The following SMU1 variants were observed in gnomAD, a reference collection of about 807,000 sequenced individuals.
SMU1 encodes SMU1 DNA replication regulator and spliceosomal factor, also known as WD40 repeat-containing protein SMU1.
In SMU1, 2 loss-of-function variants were observed where a neutral mutation model predicts 62.0. That is an observed-to-expected ratio of 0.03 (90% CI 0.01 to 0.10). The LOEUF is 0.10. Ranked by LOEUF, SMU1 falls within the 10% of genes least tolerant of loss-of-function variation. The pLI is 1.00. For synonymous variants in SMU1, 188 were observed against 212.4 expected (o/e 0.89, Z 1.00); for missense variants, 227 against 622.1 (o/e 0.36, Z 6.76).
chr9:33,056,843 G>A lies in SMU1; in HGVS notation c.989C>T (p.Thr330Ile), dbSNP rs1839309476. Residue 330 changes from threonine (T) to isoleucine (I), a missense_variant, in exon 8 of 12, where the codon ACA (threonine) becomes ATA (isoleucine). By Grantham distance (89) the Thr-to-Ile change is moderately conservative (BLOSUM62 -1). Around this residue, in one of 5 missense-constraint regions of SMU1, gnomAD observed 98 missense variants for 195.9 expected, o/e 0.50. Transcript: ENST00000397149. Reference sequence around the variant, plus strand: ...TTTTGGGATTTTTACTTACCTAATTGTCTGGTCAAAAGAAGCACTAAGGAT... The same window carrying A: ...TTTTGGGATTTTTACTTACCTAATTATCTGGTCAAAAGAAGCACTAAGGAT... ...SQILSASFDQ[T>I]IRIHGLKSGK... 6.2e-7 allele frequency: 1 copy of A among 1,611,392 alleles called. No individual in the cohort carries two copies. Among genetic ancestry groups the A allele is most frequent in the East Asian group, 2.2e-5 (1 of 44,826 alleles).
Position 33,046,553 on chromosome 9 carries a change from C to A in SMU1, c.*740G>T, listed in dbSNP as rs912214073. ...TTATGTACATTTTAGAACAAAGTCTCCAGAAAGGTATAAAGTTTATTAACA... is the reference window on the plus strand; with the variant it reads ...TTATGTACATTTTAGAACAAAGTCTACAGAAAGGTATAAAGTTTATTAACA... On this transcript the variant is annotated 3_prime_UTR_variant, in exon 12 of 12. Transcript: ENST00000397149. 2.0e-5 allele frequency: 3 copies of A among 148,974 alleles called. No individual in the cohort carries two copies. The highest frequency in any genetic ancestry group is 3.2e-3 in the Middle Eastern group (1 of 312). 9.2% of individuals were successfully genotyped at this position (148,974 alleles called of 1,614,324 possible). A position where few individuals can be genotyped will look rare whatever the true frequency, so the allele number is the denominator to read the frequency against.
rs111859715 is a variant in SMU1, at chr9:33,074,390, T to C, written c.27-584A>G. ...GATGTGGGAGGATCCCTTGAGCCCA[T>C]GAGTTCAAGACCAGCATGGGCAACA... On this transcript the variant is annotated intron_variant, in intron 1 of 11. Transcript: ENST00000397149. 5.4e-3 allele frequency among the ~76,000 whole-genome samples: 816 copies of C among 151,632 alleles called. 8 individuals carry two copies. The highest frequency in any genetic ancestry group is 0.019 in the African/African-American group (765 of 41,284).
intron 4 of SMU1, among the ~76,000 whole-genome samples, chr9:33,063,052 A>G (rs1479954420): frequency 6.6e-6 from 1 of 152,182 alleles, no homozygotes; most frequent in Non-Finnish European, 1.5e-5. Context: ...GCCAACTGAA[A>G]AAGTCGGGAA....
chr9:33,075,036 G>T (rs116407270), intron 1 of SMU1, among the ~76,000 whole-genome samples: 3,366 of 152,210 alleles, frequency 0.022, 96 homozygotes, highest in African/African-American at 0.076. Context: ...GCTTCCCAAA[G>T]TGTTGAGATG....
At chr9:33,063,306 G>A (rs1839383680) in intron 4 of SMU1, among the ~76,000 whole-genome samples, 1 of 151,940 alleles carries the variant, frequency 6.6e-6, no homozygotes. Context: ...AGGTTGCAGT[G>A]AGCCAAGATC....
chr9:33,074,434 A>T (rs1839519769), intron 1 of SMU1, among the ~76,000 whole-genome samples: 1 of 130,904 alleles, frequency 7.6e-6, no homozygotes, highest in Non-Finnish European at 1.8e-5. Context: ...CCCCTTCTCT[A>T]CACACACACA....
chr9:33,054,302 C>T (rs1035618211), intron 9 of SMU1, among the ~76,000 whole-genome samples: 1 of 151,962 alleles, frequency 6.6e-6, no homozygotes, highest in Non-Finnish European at 1.5e-5. Context: ...CAGGCAGGTG[C>T]CAATAAGCCT....
Position 33,076,639 on chromosome 9 carries a change from T to A in SMU1, c.-31A>T, listed in dbSNP as rs1165566623. 2 of 1,613,582 alleles carry A rather than the reference T, an allele frequency of 1.2e-6. No individual in the cohort carries two copies. Among genetic ancestry groups the A allele is most frequent in the South Asian group, 2.2e-5 (2 of 91,060 alleles). On this transcript the variant is annotated 5_prime_UTR_variant, in exon 1 of 12. Coordinates refer to ENST00000397149, the MANE Select transcript of SMU1 (RefSeq NM_018225.3). ...TATCTCTCCGGGAGCAGGCCCCAGCTCTCCCTCAAGGCCAGTCGCGCAACA... is the reference window on the plus strand; with the variant it reads ...TATCTCTCCGGGAGCAGGCCCCAGCACTCCCTCAAGGCCAGTCGCGCAACA...
At position 33,044,559 on chromosome 9, in the gene SMU1, G is replaced by C. The variant is rs757845826; in HGVS notation, c.*2734C>G. 7 of 152,308 alleles carry C rather than the reference G, an allele frequency of 4.6e-5. No individual in the cohort carries two copies. Among genetic ancestry groups the C allele is most frequent in the Non-Finnish European group, 1.0e-4 (7 of 68,092 alleles). 9.4% of individuals were successfully genotyped at this position (152,308 alleles called of 1,614,324 possible). ...TGGGCTGCCCCAGCCTTCAATGCTG[G>C]AGGGACGGCCGCGTGGGGCTTCAGA... is the stretch of plus-strand genomic sequence containing the variant. On this transcript the variant is annotated 3_prime_UTR_variant, in exon 12 of 12. Transcript: ENST00000397149.
intron 7 of SMU1, 168 bp from the exon 8 acceptor site, chr9:33,057,132 T>C (rs1009374286): frequency 4.0e-6 from 1 of 250,270 alleles, no homozygotes; most frequent in Non-Finnish European, 6.3e-6. Context: ...CAATGGTAAC[T>C]GAATCCTTTG....
intron 8 of SMU1, among the ~76,000 whole-genome samples, chr9:33,056,499 A>G (rs951078497): frequency 2.6e-5 from 4 of 152,218 alleles, no homozygotes; most frequent in Non-Finnish European, 4.4e-5. Flanking sequence ...AAAACAAGTT[A>G]GCAGGAGATT....
At chr9:33,048,656 C>T (rs1839212221) in intron 10 of SMU1, among the ~76,000 whole-genome samples, 1 of 152,208 alleles carries the variant, frequency 6.6e-6, no homozygotes, top group African/African-American at 2.4e-5. Context: ...TACAGGATGA[C>T]ACTCAGTCTC....
chr9:33,071,139 A>G lies in SMU1; in HGVS notation c.390+601T>C, dbSNP rs538718008. 2.2e-3 allele frequency among the ~76,000 whole-genome samples: 342 copies of G among 152,170 alleles called. 4 individuals carry two copies. Among genetic ancestry groups the G allele is most frequent in the African/African-American group, 7.8e-3 (324 of 41,526 alleles). The stretch of plus-strand genomic sequence containing the variant: ...TACCCCATAAATATATACACCTACT[A>G]TGTACCCATAAAAAATTTTTTTTAA... On this transcript the variant is annotated intron_variant, in intron 3 of 11. Coordinates refer to ENST00000397149, the MANE Select transcript of SMU1 (RefSeq NM_018225.3).
intron 3 of SMU1, among the ~76,000 whole-genome samples, chr9:33,069,894 G>A (rs762952356): frequency 2.0e-5 from 3 of 152,188 alleles, no homozygotes; most frequent in African/African-American, 7.2e-5. Context: ...GGGAGGCCGA[G>A]GCGGGTGGAC....
intron 4 of SMU1, among the ~76,000 whole-genome samples, chr9:33,067,749 T>C (rs888235965): frequency 6.6e-6 from 1 of 152,140 alleles, no homozygotes; most frequent in Admixed American, 6.5e-5. Flanking sequence ...TCCACCCACC[T>C]TGGCCTCCCA....
At chr9:33,053,312 T>C (rs1177264411) in intron 9 of SMU1, 22 bp from the exon 10 acceptor site, 1 of 1,606,302 alleles carries the variant, frequency 6.2e-7, no homozygotes, top group Non-Finnish European at 8.5e-7. Flanking sequence ...AAATTTAAGT[T>C]ATAAACCTTT....
chr9:33,062,230 G>C, intron 4 of SMU1, 53 bp from the exon 5 acceptor site: 2 of 1,561,904 alleles, frequency 1.3e-6, no homozygotes, highest in African/African-American at 2.7e-5. Flanking sequence ...TTAAGATCTG[G>C]TCATAAGTGC....
intron 11 of SMU1, among the ~76,000 whole-genome samples, chr9:33,047,875 A>C (rs1476059131): frequency 2.0e-5 from 3 of 152,124 alleles, no homozygotes; most frequent in Non-Finnish European, 4.4e-5. Context: ...AAATAAAATA[A>C]AATAAAAATA....
intron 4 of SMU1, among the ~76,000 whole-genome samples, chr9:33,064,810 T>C (rs1839401903): frequency 6.6e-6 from 1 of 152,142 alleles, no homozygotes; most frequent in Admixed American, 6.5e-5. Flanking sequence ...TGGCGCGATC[T>C]TGGCTCACTG....
Sources: gnomAD v4.1 joint callset for allele counts (sites outside exome capture counted in the v4.1 genomes callset) on GRCh38, gnomAD v4.1.1 for gene constraint, gnomAD v4.1.1 regional missense constraint, MANE v1.5 for transcripts, NCBI Gene and HGNC (gene_info 2026-07-23, HGNC 2026-07-21) for gene names.